Variants in TEX9 observed in about 807,000 individuals in gnomAD.
The protein encoded by TEX9 is testis-expressed protein 9.
A neutral mutation model predicts 59.6 loss-of-function variants in TEX9; 74 were observed. The ratio of observed to expected loss-of-function variants is 1.24; its 90% CI spans 1.03 to 1.51. The LOEUF (loss-of-function observed/expected upper bound fraction) is 1.51. Ranked by LOEUF, TEX9 falls within the 40% of genes most tolerant of loss-of-function variation. The pLI, the probability that TEX9 is intolerant of heterozygous loss-of-function variation, is 0.00. For missense variants in TEX9, 522 were observed against 447.8 expected, an observed-to-expected ratio of 1.17 and a Z score of -1.49; for synonymous variants, 186 against 152.2, an observed-to-expected ratio of 1.22 and a Z score of -1.64.
At chr15:56,278,107 C>T (rs556747006) in intron 1 of TEX9, among the ~76,000 whole-genome samples, 7 of 151,978 alleles carry the variant, frequency 4.6e-5, no homozygotes, top group Non-Finnish European at 8.8e-5. Flanking sequence ...TTTTATTCAA[C>T]CTATTCTTTC....
intron 12 of TEX9, chr15:56,434,178 T>G: frequency 6.2e-7 from 1 of 1,613,734 alleles, no homozygotes; most frequent in South Asian, 1.1e-5. Context: ...TTCAATAAGT[T>G]TTTCCACAGC....
chr15:56,309,985 C>T (rs1184736045), intron 1 of TEX9, among the ~76,000 whole-genome samples: 5 of 152,098 alleles, frequency 3.3e-5, no homozygotes, highest in African/African-American at 1.2e-4. Context: ...ACTTAGGCTC[C>T]TGCCCTCCAA....
At chr15:56,365,636 G>C (rs756792339) in exon 2 of TEX9, 14 of 1,614,190 alleles carry the variant, frequency 8.7e-6, no homozygotes, top group Admixed American at 1.7e-5. Context: ...CTCTACACCT[G>C]GACCCGACCT....
At chr15:56,427,638 G>A (rs1404488711) in exon 11 of TEX9, 1 of 1,543,782 alleles carries the variant, frequency 6.5e-7, no homozygotes, top group South Asian at 1.3e-5. Flanking sequence ...AAAAATTGAA[G>A]TGTTAAAATC....
intron 1 of TEX9, among the ~76,000 whole-genome samples, chr15:56,357,267 T>C (rs1480924080): frequency 3.3e-5 from 5 of 152,172 alleles, no homozygotes; most frequent in African/African-American, 1.2e-4. Flanking sequence ...TTCTGCTAAT[T>C]ATTTTATTGT....
At position 56,332,085 on chromosome 15, in the gene TEX9, G is replaced by A. The variant is rs555886508; in HGVS notation, c.-106-41356G>A. The stretch of plus-strand genomic sequence containing the variant: ...GGCGATTCCTCAGGGATCTAGAACT[G>A]GAAATACCATTTGACCCAGCCATCC... On this transcript the variant is annotated intron_variant, in intron 1 of 5. Coordinates refer to the TEX9 transcript ENST00000560827. Among the ~76,000 whole-genome samples the A allele has an allele frequency of 2.7e-3, 347 of 129,092 alleles. 1 individual carries two copies. Among genetic ancestry groups the A allele is most frequent in the Admixed American group, 0.025 (291 of 11,738 alleles). The allele number at this position is 129,092 out of a possible 152,430, so 84.7% of individuals were successfully genotyped here.
rs193106822 is a variant in TEX9, at chr15:56,342,427, C to T, written c.-106-31014C>T. ...CAAAACTTAAGAATAGTTGTCCTTT[C>T]TATTGCCGCTTGCAACAAGAAACTT... On this transcript the variant is annotated intron_variant, in intron 1 of 5. Transcript: ENST00000560827. 6.0e-4 allele frequency among the ~76,000 whole-genome samples: 91 copies of T among 152,204 alleles called. 1 individual carries two copies. Among genetic ancestry groups the T allele is most frequent in the Middle Eastern group, 3.4e-3 (1 of 294 alleles).
intron 1 of TEX9, among the ~76,000 whole-genome samples, chr15:56,308,190 G>A (rs141478915): frequency 6.6e-6 from 1 of 152,254 alleles, no homozygotes; most frequent in African/African-American, 2.4e-5. Flanking sequence ...CATTTTACCA[G>A]CAGTGTATAA....
intron 1 of TEX9, among the ~76,000 whole-genome samples, chr15:56,331,860 C>G (rs377737731): frequency 0.065 from 9,485 of 146,896 alleles, 203 homozygotes; most frequent in Non-Finnish European, 0.094. Context: ...CCAAAAAACA[C>G]ATGAAAAAAT....
At chr15:56,430,749 G>A (rs1367682382) in intron 12 of TEX9, among the ~76,000 whole-genome samples, 2 of 152,142 alleles carry the variant, frequency 1.3e-5, no homozygotes, top group African/African-American at 4.8e-5. Flanking sequence ...GTTCAACCAT[G>A]TGCCTATTAC....
At chr15:56,360,284 A>T in intron 1 of TEX9, among the ~76,000 whole-genome samples, 1 of 152,186 alleles carries the variant, frequency 6.6e-6, no homozygotes, top group Middle Eastern at 3.2e-3. Flanking sequence ...ATTTTCCCAA[A>T]AAAGATTATG....
intron 1 of TEX9, among the ~76,000 whole-genome samples, chr15:56,299,586 C>T (rs1310309590): frequency 6.6e-6 from 1 of 152,164 alleles, no homozygotes; most frequent in African/African-American, 2.4e-5. Context: ...CACCTCTCCC[C>T]TAAACCCAGG....
At chr15:56,304,643 T>C (rs1329368582) in intron 1 of TEX9, among the ~76,000 whole-genome samples, 2 of 152,222 alleles carry the variant, frequency 1.3e-5, no homozygotes, top group Non-Finnish European at 2.9e-5. Context: ...TTTAATACAT[T>C]GTTTAATTTA....
intron 1 of TEX9, among the ~76,000 whole-genome samples, chr15:56,326,788 C>A (rs1303992020): frequency 7.4e-6 from 1 of 135,678 alleles, no homozygotes; most frequent in African/African-American, 2.5e-5. Context: ...ATTTTCATCT[C>A]ACTCACATGC....
chr15:56,375,566 T>G (rs2047401074), intron 3 of TEX9, among the ~76,000 whole-genome samples: 1 of 152,172 alleles, frequency 6.6e-6, no homozygotes, highest in African/African-American at 2.4e-5. Flanking sequence ...TTGCTTTTGG[T>G]GTTTTAGACA....
At chr15:56,353,957 C>G (rs2046634378) in intron 1 of TEX9, among the ~76,000 whole-genome samples, 1 of 152,114 alleles carries the variant, frequency 6.6e-6, no homozygotes, top group African/African-American at 2.4e-5. Context: ...TCAATCTTTC[C>G]ATTATATTTT....
chr15:56,257,352 C>T (rs149775865), intron 1 of TEX9, among the ~76,000 whole-genome samples: 6 of 152,130 alleles, frequency 3.9e-5, no homozygotes, highest in Non-Finnish European at 7.4e-5. Context: ...GTCTCTAAGT[C>T]TTTGAGGAAT....
intron 9 of TEX9, among the ~76,000 whole-genome samples, chr15:56,412,063 T>C (rs2049379964): frequency 6.6e-6 from 1 of 152,232 alleles, no homozygotes; most frequent in African/African-American, 2.4e-5. Flanking sequence ...AAAAGTAATT[T>C]GAAAGCCCGG....
chr15:56,339,781 G>A (rs959618184), intron 1 of TEX9, among the ~76,000 whole-genome samples: 24 of 151,902 alleles, frequency 1.6e-4, no homozygotes, highest in African/African-American at 5.1e-4. Flanking sequence ...TTCATGAATG[G>A]GATTAGTGCC....
Sources: gnomAD v4.1 joint callset for allele counts (sites outside exome capture counted in the v4.1 genomes callset) on GRCh38, gnomAD v4.1.1 for gene constraint, MANE v1.5 for transcripts, NCBI Gene and HGNC (gene_info 2026-07-23, HGNC 2026-07-21) for gene names.